Variants in BZW2 observed in about 807,000 individuals in gnomAD.
The protein encoded by BZW2 is basic leucine zipper and W2 domains 2, also known as eIF5-mimic protein 1.
BZW2 carries 23 observed loss-of-function variants against 53.2 expected under a neutral mutation model. That is an observed-to-expected ratio of 0.43 (90% CI 0.31 to 0.61). The LOEUF (loss-of-function observed/expected upper bound fraction) is 0.61, where lower values mean the gene tolerates loss of function less well. Ranked by LOEUF, BZW2 falls within the 20% of genes least tolerant of loss-of-function variation. BZW2 has a pLI of 0.09. For synonymous variants in BZW2, 227 were observed against 186.4 expected (o/e 1.22, Z -1.77); for missense variants, 409 against 503.1 (o/e 0.81, Z 1.79).
At chr7:16,695,064 T>C in intron 8 of BZW2, 60 bp downstream of exon 8, 2 of 1,429,532 alleles carry the variant, frequency 1.4e-6, no homozygotes, top group Non-Finnish European at 1.9e-6. Context: ...TTACATGGGC[T>C]GTGTAGCAAA....
Position 16,683,063 on chromosome 7 carries a change from G to T in BZW2, c.405+218G>T, listed in dbSNP as rs540651339. On this transcript the variant is annotated intron_variant, in intron 5 of 11. Coordinates refer to ENST00000258761, the MANE Select transcript of BZW2 (RefSeq NM_014038.3). ...ACACAAAAATTACCCGGGCATGGTG[G>T]CATGCACCTGTAATCCCAGCTAACT... is the stretch of plus-strand genomic sequence containing the variant. Among the ~76,000 whole-genome samples, 137 of 152,218 alleles carry T rather than the reference G, an allele frequency of 9.0e-4. 4 individuals are homozygous for T. The South Asian group carries it at 0.015, about 17-fold the overall frequency.
At chr7:16,675,663 A>G (rs1055095025) in intron 3 of BZW2, among the ~76,000 whole-genome samples, 2 of 152,196 alleles carry the variant, frequency 1.3e-5, no homozygotes, top group African/African-American at 4.8e-5. Flanking sequence ...CTTATTGTTT[A>G]TGAAGAGCTT....
chr7:16,699,587 GAT>G (rs1360411821), intron 10 of BZW2, among the ~76,000 whole-genome samples: 1 of 152,090 alleles, frequency 6.6e-6, no homozygotes, highest in African/African-American at 2.4e-5. Context: ...TCATATAAAA[GAT>G]AACCCAACCA....
At chr7:16,667,260 A>G (rs1782458522) in intron 2 of BZW2, among the ~76,000 whole-genome samples, 1 of 151,358 alleles carries the variant, frequency 6.6e-6, no homozygotes. Context: ...CAGCCTGGGC[A>G]ACGAGTGAAG....
intron 1 of BZW2, among the ~76,000 whole-genome samples, chr7:16,649,161 C>A (rs964965559): frequency 2.0e-5 from 3 of 152,126 alleles, no homozygotes; most frequent in Non-Finnish European, 2.9e-5. Flanking sequence ...ACTTTCTCAT[C>A]GCATTCTATT....
chr7:16,672,666 C>A (rs1305588504), intron 2 of BZW2, among the ~76,000 whole-genome samples: 1 of 152,112 alleles, frequency 6.6e-6, no homozygotes, highest in Admixed American at 6.5e-5. Context: ...AACTACAGAC[C>A]CTTTACCTTT....
At chr7:16,694,724 T>G (rs1166805481) in intron 7 of BZW2, 110 bp from the exon 8 acceptor site, 1 of 926,478 alleles carries the variant, frequency 1.1e-6, no homozygotes, top group Non-Finnish European at 1.5e-6. Context: ...ACAGTCTTTA[T>G]TCTTTTCTTC....
Position 16,695,457 on chromosome 7 carries a change from T to A in BZW2, c.822+453T>A, listed in dbSNP as rs369997211. Among the ~76,000 whole-genome samples, 38 of 152,330 alleles carry A rather than the reference T, an allele frequency of 2.5e-4. 1 individual carries two copies. The South Asian group carries it at 7.5e-3, about 30-fold the overall frequency. On this transcript the variant is annotated intron_variant, in intron 8 of 11. Transcript: ENST00000258761. ...GCTTTTTATTTGAAAAAAGTTTGAA[T>A]TCCTGTCATGGGAAAAGACTAGTTG...
intron 8 of BZW2, 56 bp from the exon 9 acceptor site, chr7:16,696,859 A>T: frequency 6.3e-7 from 1 of 1,582,724 alleles, no homozygotes; most frequent in Non-Finnish European, 8.7e-7. Context: ...GCTAGCGGGG[A>T]GATGGGAGCC....
intron 1 of BZW2, among the ~76,000 whole-genome samples, chr7:16,648,001 C>G (rs187977942): frequency 6.6e-5 from 10 of 152,266 alleles, no homozygotes; most frequent in Non-Finnish European, 8.8e-5. Context: ...ATTTAGTGCT[C>G]TCTGAATACA....
At chr7:16,688,616 T>C (rs1783204708) in intron 6 of BZW2, 1 of 152,220 alleles carries the variant, frequency 6.6e-6, no homozygotes, top group African/African-American at 2.4e-5. Flanking sequence ...AGAGGCTGCT[T>C]AGGCCACATT....
At chr7:16,664,850 G>A (rs1287404053) in intron 1 of BZW2, among the ~76,000 whole-genome samples, 1 of 132,204 alleles carries the variant, frequency 7.6e-6, no homozygotes, top group Non-Finnish European at 1.5e-5. Flanking sequence ...CCATGTAAAT[G>A]TTTATAGTAA....
At chr7:16,675,575 C>T (rs1272637346) in intron 3 of BZW2, among the ~76,000 whole-genome samples, 2 of 152,214 alleles carry the variant, frequency 1.3e-5, no homozygotes, top group East Asian at 3.8e-4. Context: ...CTGTTTGGTA[C>T]ATGGCCCCAT....
chr7:16,681,985 G>A (rs1782960081), intron 4 of BZW2, among the ~76,000 whole-genome samples: 1 of 152,030 alleles, frequency 6.6e-6, no homozygotes. Context: ...TAAAATTTAT[G>A]GGATTTTAAT....
chr7:16,673,257 A>G (rs865781340), intron 2 of BZW2, among the ~76,000 whole-genome samples: 17 of 152,028 alleles, frequency 1.1e-4, no homozygotes, highest in African/African-American at 4.1e-4. Context: ...TGTCTTATCC[A>G]CTTTCTAAGG....
chr7:16,685,054 A>G (rs2293396), intron 5 of BZW2, among the ~76,000 whole-genome samples: 31,537 of 152,114 alleles, frequency 0.21, 3,415 homozygotes, highest in East Asian at 0.38. Flanking sequence ...AGGAATTTCC[A>G]TGGCAAGCCT....
chr7:16,680,695 T>C (rs1782917439), intron 3 of BZW2, among the ~76,000 whole-genome samples: 2 of 151,648 alleles, frequency 1.3e-5, no homozygotes, highest in Admixed American at 6.6e-5. Flanking sequence ...TGGTCCTAGC[T>C]ACTTGGGAGG....
chr7:16,686,685 A>G (rs1783136311), intron 6 of BZW2: 3 of 152,300 alleles, frequency 2.0e-5, no homozygotes, highest in Admixed American at 6.5e-5. Flanking sequence ...AAAATAAATT[A>G]AAAGAGCTTT....
At chr7:16,652,579 TG>T (rs1361191557) in intron 1 of BZW2, among the ~76,000 whole-genome samples, 1 of 151,814 alleles carries the variant, frequency 6.6e-6, no homozygotes, top group African/African-American at 2.4e-5. Context: ...TGCGATGGTG[TG>T]ATCTCGGCTG....
Sources: gnomAD v4.1 joint callset for allele counts (sites outside exome capture counted in the v4.1 genomes callset) on GRCh38, gnomAD v4.1.1 for gene constraint, MANE v1.5 for transcripts, NCBI Gene and HGNC (gene_info 2026-07-23, HGNC 2026-07-21) for gene names.